Variants in TMEM108 observed in about 807,000 individuals in gnomAD.
TMEM108 encodes transmembrane protein 108.
TMEM108 carries 12 observed loss-of-function variants against 35.1 expected under a neutral mutation model. The ratio of observed to expected loss-of-function variants is 0.34; its 90% CI spans 0.22 to 0.55. The LOEUF is 0.55. Among genes scored for constraint, TMEM108 ranks in the 20% least tolerant of loss-of-function variants. The pLI is 0.89. For synonymous variants in TMEM108, 287 were observed against 308.6 expected, an observed-to-expected ratio of 0.93 and a Z score of 0.73; for missense variants, 680 against 753.3, an observed-to-expected ratio of 0.90 and a Z score of 1.14.
intron 3 of TMEM108, among the ~76,000 whole-genome samples, chr3:133,234,243 T>G (rs1946199076): frequency 6.6e-6 from 1 of 152,162 alleles, no homozygotes. Flanking sequence ...GGATCCAGTT[T>G]CAGCTTTCTA....
chr3:133,209,786 G>C (rs756171133), intron 2 of TMEM108, among the ~76,000 whole-genome samples: 2 of 152,116 alleles, frequency 1.3e-5, no homozygotes, highest in African/African-American at 2.4e-5. Context: ...TTTCTACCCT[G>C]AGAATGAATG....
chr3:133,095,100 T>C (rs994263954), intron 2 of TMEM108, among the ~76,000 whole-genome samples: 7 of 152,222 alleles, frequency 4.6e-5, no homozygotes, highest in South Asian at 2.1e-4. Context: ...TCTTAATTTC[T>C]GGTTAATTAA....
chr3:133,302,898 T>C (rs1453045166), intron 3 of TMEM108, among the ~76,000 whole-genome samples: 2 of 152,152 alleles, frequency 1.3e-5, no homozygotes, highest in Non-Finnish European at 2.9e-5. Flanking sequence ...TGAAGCCTCA[T>C]GCTCCACTTA....
intron 2 of TMEM108, among the ~76,000 whole-genome samples, chr3:133,137,166 A>C (rs1944576159): frequency 6.6e-6 from 1 of 152,202 alleles, no homozygotes; most frequent in Non-Finnish European, 1.5e-5. Context: ...ATGTGAACGC[A>C]TGAACAATGC....
intron 2 of TMEM108, among the ~76,000 whole-genome samples, chr3:133,169,719 C>G (rs1945100460): frequency 6.6e-6 from 1 of 152,222 alleles, no homozygotes; most frequent in Admixed American, 6.5e-5. Flanking sequence ...CATCTTGGCT[C>G]TAGTTGTTGC....
At chr3:133,108,277 C>A in intron 2 of TMEM108, among the ~76,000 whole-genome samples, 1 of 152,072 alleles carries the variant, frequency 6.6e-6, no homozygotes, top group Non-Finnish European at 1.5e-5. Context: ...CTCTCCAGCA[C>A]CTGTTTTTTC....
chr3:133,387,008 G>C, intron 4 of TMEM108: 3 of 985,792 alleles, frequency 3.0e-6, no homozygotes, highest in Non-Finnish European at 3.6e-6. Context: ...TAGAGACCCT[G>C]TAAGTCTGAC....
chr3:133,291,307 A>G (rs1947065614), intron 3 of TMEM108, among the ~76,000 whole-genome samples: 1 of 150,356 alleles, frequency 6.7e-6, no homozygotes, highest in Admixed American at 6.7e-5. Context: ...TTGAGACAGG[A>G]TCTCATTCTG....
chr3:133,128,128 G>C (rs1199603602), intron 2 of TMEM108, among the ~76,000 whole-genome samples: 1 of 152,210 alleles, frequency 6.6e-6, no homozygotes, highest in African/African-American at 2.4e-5. Context: ...CTGAAACTTG[G>C]TTGGTACATA....
intron 3 of TMEM108, among the ~76,000 whole-genome samples, chr3:133,331,329 A>G (rs1173899427): frequency 6.6e-6 from 1 of 152,206 alleles, no homozygotes; most frequent in East Asian, 1.9e-4. Flanking sequence ...GTTACACAGG[A>G]GGGAAATGAT....
At chr3:133,377,649 T>C (rs1219355903) in intron 3 of TMEM108, among the ~76,000 whole-genome samples, 1 of 151,990 alleles carries the variant, frequency 6.6e-6, no homozygotes, top group Non-Finnish European at 1.5e-5. Flanking sequence ...AGTAAACAGG[T>C]TTTAGGATTG....
At chr3:133,348,965 G>C (rs1445534290) in intron 3 of TMEM108, among the ~76,000 whole-genome samples, 1 of 151,986 alleles carries the variant, frequency 6.6e-6, no homozygotes, top group Non-Finnish European at 1.5e-5. Context: ...ACAAACTATT[G>C]GGGGAAAATA....
rs1231473964 is a variant in TMEM108, at chr3:133,285,074, TA to T, written c.40+55727del. Among the ~76,000 whole-genome samples, 4 of 152,346 alleles carry T rather than the reference TA, an allele frequency of 2.6e-5. No individual in the cohort carries two copies. In the East Asian group the frequency reaches 7.7e-4, roughly 29 times the overall value. The stretch of plus-strand genomic sequence containing the variant: ...TCTTTTGAGCATCATAAATTTGTTT[TA>T]AAATCCTTGCTGAATTGTTTTGTAA... On this transcript the variant is annotated intron_variant, in intron 3 of 5. Transcript: ENST00000321871.
intron 2 of TMEM108, among the ~76,000 whole-genome samples, chr3:133,198,233 C>T (rs963826544): frequency 1.6e-4 from 24 of 152,142 alleles, no homozygotes; most frequent in African/African-American, 5.8e-4. Flanking sequence ...GGGATTCCCA[C>T]CCTAGGATTA....
chr3:133,312,049 AAACAGCAAATATTGCAG>A (rs781392261), intron 3 of TMEM108, among the ~76,000 whole-genome samples: 19 of 152,222 alleles, frequency 1.2e-4, no homozygotes, highest in Admixed American at 6.5e-4. Flanking sequence ...AGAGGCTGCA[AAACAGCAAATATTGCAG>A]AACAGCAAAT....
intron 2 of TMEM108, among the ~76,000 whole-genome samples, chr3:133,100,848 T>C (rs1264701134): frequency 6.6e-6 from 1 of 152,216 alleles, no homozygotes; most frequent in Non-Finnish European, 1.5e-5. Context: ...CCCTACATTG[T>C]AGAGATAATT....
chr3:133,052,213 A>G (rs1943413687), intron 2 of TMEM108, among the ~76,000 whole-genome samples: 1 of 152,118 alleles, frequency 6.6e-6, no homozygotes, highest in Non-Finnish European at 1.5e-5. Flanking sequence ...TGTTAGATTT[A>G]TACCTAAGTA....
intron 3 of TMEM108, chr3:133,257,069 G>A (rs1946558269): frequency 6.6e-6 from 1 of 152,156 alleles, no homozygotes; most frequent in Non-Finnish European, 1.5e-5. Flanking sequence ...CCTTCCTTTA[G>A]TTTATTTCTT....
At chr3:133,111,978 C>T (rs1467510837) in intron 2 of TMEM108, among the ~76,000 whole-genome samples, 3 of 152,164 alleles carry the variant, frequency 2.0e-5, no homozygotes, top group Non-Finnish European at 4.4e-5. Flanking sequence ...TGTTGGAAAA[C>T]AAGAACAAAC....
Sources: gnomAD v4.1 joint callset for allele counts (sites outside exome capture counted in the v4.1 genomes callset) on GRCh38, gnomAD v4.1.1 for gene constraint, MANE v1.5 for transcripts, NCBI Gene and HGNC (gene_info 2026-07-23, HGNC 2026-07-21) for gene names.